The following STX2 variants were observed in gnomAD, a reference collection of about 807,000 sequenced individuals.
STX2 encodes the protein syntaxin 2.
STX2 carries 27 observed loss-of-function variants against 40.6 expected under a neutral mutation model. The observed-to-expected ratio is 0.66, with a 90% CI of 0.49 to 0.92. STX2 has a LOEUF of 0.92. Among genes scored for constraint, STX2 ranks in the 40% least tolerant of loss-of-function variants. The probability of loss-of-function intolerance (pLI) is 0.00; values close to 1 mark genes in which losing one functional copy is unlikely to be tolerated. For missense variants in STX2, 328 were observed against 366.1 expected, an observed-to-expected ratio of 0.90 and a Z score of 0.85; for synonymous variants, 123 against 119.1, an observed-to-expected ratio of 1.03 and a Z score of -0.22.
chr12:130,813,833 G>C (rs549268497), intron 3 of STX2, among the ~76,000 whole-genome samples: 12 of 152,340 alleles, frequency 7.9e-5, no homozygotes, highest in Admixed American at 2.0e-4. Context: ...AGAAGTTGCT[G>C]AAACAGGAAG....
At chr12:130,794,769 C>T (rs1357708905) in intron 10 of STX2, among the ~76,000 whole-genome samples, 1 of 152,138 alleles carries the variant, frequency 6.6e-6, no homozygotes, top group Non-Finnish European at 1.5e-5. Flanking sequence ...GCTCGTGATT[C>T]CTTTCTGCTG....
At position 130,839,242 on chromosome 12, in the gene STX2, G is replaced by A. The variant is rs1243807192; in HGVS notation, c.-143C>T. ...CCCTCCCTGGAGCCGGCGCTGCCAC[G>A]GCAACCGCGCCCCGCGCGCTCTGCG... On this transcript the variant is annotated 5_prime_UTR_variant, in exon 1 of 11. Transcript: ENST00000392373. 3 of 674,196 alleles carry A rather than the reference G, an allele frequency of 4.4e-6. No homozygotes were observed. The highest frequency in any genetic ancestry group is 5.6e-6 in the Non-Finnish European group (3 of 537,928). 41.8% of individuals were successfully genotyped at this position (674,196 alleles called of 1,614,324 possible).
chr12:130,833,272 AGACT>A (rs1169399733), intron 1 of STX2, among the ~76,000 whole-genome samples: 1 of 143,868 alleles, frequency 7.0e-6, no homozygotes, highest in Non-Finnish European at 1.5e-5. Flanking sequence ...ACACACACAC[AGACT>A]AAGACCCCGC....
rs912234507 is a variant in STX2, at chr12:130,790,409, C to T, written c.*1614G>A. 6.6e-6 allele frequency: 1 copy of T among 152,180 alleles called. No individual in the cohort carries two copies. The highest frequency in any genetic ancestry group is 6.5e-5 in the Admixed American group (1 of 15,278). 9.4% of individuals were successfully genotyped at this position (152,180 alleles called of 1,614,324 possible). The stretch of plus-strand genomic sequence containing the variant: ...ACTACATACAGGAGTAACAAGAGTT[C>T]ACGACATTTGGGGCATCCTGCATGC... On this transcript the variant is annotated 3_prime_UTR_variant, in exon 11 of 11. Coordinates refer to ENST00000392373, the MANE Select transcript of STX2 (RefSeq NM_194356.4).
chr12:130,832,557 A>G (rs1952605071), intron 1 of STX2, among the ~76,000 whole-genome samples: 1 of 152,172 alleles, frequency 6.6e-6, no homozygotes. Context: ...AGACACTGCC[A>G]GGCTAATCTT....
At chr12:130,832,611 G>A (rs1409506603) in intron 1 of STX2, among the ~76,000 whole-genome samples, 9 of 152,196 alleles carry the variant, frequency 5.9e-5, no homozygotes, top group Admixed American at 5.9e-4. Context: ...CAGGAATGAG[G>A]ATCAGAACTG....
At chr12:130,834,819 T>G (rs542709261) in intron 1 of STX2, among the ~76,000 whole-genome samples, 94 of 152,238 alleles carry the variant, frequency 6.2e-4, no homozygotes, top group Admixed American at 9.2e-4. Context: ...TATAAAATTA[T>G]GTTCATATAT....
At chr12:130,825,329 G>A (rs963616305) in intron 2 of STX2, among the ~76,000 whole-genome samples, 1 of 152,220 alleles carries the variant, frequency 6.6e-6, no homozygotes, top group Admixed American at 6.5e-5. Flanking sequence ...GAGCCACTGG[G>A]CCCGGCCTGC....
intron 2 of STX2, among the ~76,000 whole-genome samples, chr12:130,825,874 T>C (rs1952282947): frequency 6.6e-6 from 1 of 152,178 alleles, no homozygotes; most frequent in African/African-American, 2.4e-5. Context: ...TGTGTTTTCG[T>C]TTCTTCATGT....
intron 9 of STX2, among the ~76,000 whole-genome samples, chr12:130,797,980 C>T (rs896548030): frequency 6.6e-6 from 1 of 152,226 alleles, no homozygotes; most frequent in African/African-American, 2.4e-5. Context: ...AGGCACCGTG[C>T]CTCACGCCTG....
intron 1 of STX2, among the ~76,000 whole-genome samples, chr12:130,835,763 A>T (rs957126984): frequency 6.6e-6 from 1 of 152,190 alleles, no homozygotes; most frequent in Non-Finnish European, 1.5e-5. Context: ...TAAATCAGAA[A>T]TATCTTTCTG....
intron 3 of STX2, among the ~76,000 whole-genome samples, chr12:130,813,837 C>A (rs1192838098): frequency 1.3e-5 from 2 of 152,214 alleles, no homozygotes; most frequent in Non-Finnish European, 2.9e-5. Context: ...GTTGCTGAAA[C>A]AGGAAGGCCC....
intron 5 of STX2, 101 bp from the exon 6 acceptor site, chr12:130,807,191 C>A: frequency 9.0e-7 from 1 of 1,107,896 alleles, no homozygotes; most frequent in East Asian, 2.5e-5. Context: ...ACATGTTATT[C>A]TGCTCCTGCA....
chr12:130,826,775 C>T (rs923646003), intron 2 of STX2, among the ~76,000 whole-genome samples: 8 of 151,714 alleles, frequency 5.3e-5, no homozygotes, highest in African/African-American at 9.7e-5. Context: ...CTGAGGCGGG[C>T]GGATTGCCTG....
chr12:130,839,205 C>A lies in STX2; in HGVS notation c.-106G>T, dbSNP rs1315135971. On this transcript the variant is annotated 5_prime_UTR_variant, in exon 1 of 11. Coordinates refer to ENST00000392373, the MANE Select transcript of STX2 (RefSeq NM_194356.4). Reference sequence around the variant, plus strand: ...CGCCTCAGGCCCCGCGGTCCCGGCCCGGCGCCAGCAGCCCTCCCTGGAGCC... The same window carrying A: ...CGCCTCAGGCCCCGCGGTCCCGGCCAGGCGCCAGCAGCCCTCCCTGGAGCC... 1 of 1,010,670 alleles carries A rather than the reference C, an allele frequency of 9.9e-7. No homozygotes were observed. 62.6% of individuals were successfully genotyped at this position (1,010,670 alleles called of 1,614,324 possible).
chr12:130,808,594 C>A (rs550400701), intron 5 of STX2, 37 bp downstream of exon 5: 3 of 1,558,998 alleles, frequency 1.9e-6, no homozygotes, highest in Non-Finnish European at 2.6e-6. Context: ...ACTTATTCTG[C>A]GACATTACTT....
rs565727568 is a variant in STX2, at chr12:130,832,922, C to A, written c.31-5655G>T. ...CCGCTTTCTTATCCACAGCTCAGCT[C>A]ACGGGGTGGCCCCCTGACCCACCCG... On this transcript the variant is annotated intron_variant, in intron 1 of 10. Coordinates refer to ENST00000392373, the MANE Select transcript of STX2 (RefSeq NM_194356.4). Among the ~76,000 whole-genome samples, 352 of 152,340 alleles carry A rather than the reference C, an allele frequency of 2.3e-3. 3 individuals are homozygous for A. The highest frequency in any genetic ancestry group is 0.01 in the Middle Eastern group (3 of 294).
At position 130,795,845 on chromosome 12, in the gene STX2, C is replaced by A. The variant is rs555273669; in HGVS notation, c.*45+150G>T. The A allele has an allele frequency of 1.9e-5, 18 of 962,862 alleles. No homozygotes were observed. In the African/African-American group the frequency reaches 2.8e-4, roughly 15 times the overall value. The allele number at this position is 962,862 out of a possible 1,614,324, so 59.6% of individuals were successfully genotyped here. On this transcript the variant is annotated intron_variant, in intron 10 of 10. Transcript: ENST00000392373. ...AAACACAGTGGCTGGGCACTCGAAT[C>A]AGCACACAGGCAGATGTATCACTAG...
chr12:130,799,813 CAA>C (rs57853266), intron 8 of STX2, among the ~76,000 whole-genome samples: 5,504 of 137,028 alleles, frequency 0.04, 236 homozygotes, highest in African/African-American at 0.11. Flanking sequence ...GACCCTGTCT[CAA>C]AAAAAAAAAA....
Sources: allele counts gnomAD v4.1 joint callset (sites outside exome capture counted in the v4.1 genomes callset), GRCh38; gene constraint gnomAD v4.1.1; transcripts MANE v1.5; gene names NCBI Gene and HGNC (gene_info 2026-07-23, HGNC 2026-07-21).